Variants in MLPH observed in about 807,000 individuals in gnomAD.
The protein encoded by MLPH is exophilin-3.
MLPH carries 51 observed loss-of-function variants against 72.1 expected under a neutral mutation model. That is an observed-to-expected ratio of 0.71 (90% CI 0.56 to 0.89). The LOEUF (loss-of-function observed/expected upper bound fraction) is 0.89. Among genes scored for constraint, MLPH ranks in the 40% least tolerant of loss-of-function variants. The probability of loss-of-function intolerance (pLI) is 0.00; values close to 1 mark genes in which losing one functional copy is unlikely to be tolerated. For missense variants in MLPH, 743 were observed against 759.9 expected (o/e 0.98, Z 0.26); for synonymous variants, 301 against 310.1 (o/e 0.97, Z 0.31).
At chr2:237,498,288 ATG>A (rs1213327847) in intron 2 of MLPH, among the ~76,000 whole-genome samples, 1 of 152,200 alleles carries the variant, frequency 6.6e-6, no homozygotes, top group Non-Finnish European at 1.5e-5. Context: ...AAATTAGCAG[ATG>A]TGTGTCAGAT....
rs1329719195 is a variant in MLPH, at chr2:237,541,784, A to C, written c.1447-783A>C. On this transcript the variant is annotated intron_variant, in intron 11 of 15. Coordinates refer to ENST00000264605, the MANE Select transcript of MLPH (RefSeq NM_024101.7). This position sits in a 1 kb window ranked among gnomAD's most constrained non-coding sequence, Gnocchi z 5.1. The stretch of plus-strand genomic sequence containing the variant: ...TTTTAGTGGAAGGAGATAAACAGCA[A>C]ACAAACAAGATCATTTGGGTTCATG... 6.6e-6 allele frequency among the ~76,000 whole-genome samples: 1 copy of C among 152,240 alleles called. No individual in the cohort carries two copies. The highest frequency in any genetic ancestry group is 1.5e-5 in the Non-Finnish European group (1 of 68,038).
In MLPH at chr2:237,505,637, A is replaced by T. The variant is rs1344027472; in HGVS notation, c.111-4937A>T. Among the ~76,000 whole-genome samples the T allele has an allele frequency of 6.6e-6, 1 of 152,230 alleles. No individual in the cohort carries two copies. Among genetic ancestry groups the T allele is most frequent in the Non-Finnish European group, 1.5e-5 (1 of 68,040 alleles). ...CTAGATTTCACCCCAAGAGGGGCAG[A>T]GCAGGGCACAGGTCTGACCCCTTCA... On this transcript the variant is annotated intron_variant, in intron 2 of 15. Coordinates refer to ENST00000264605, the MANE Select transcript of MLPH (RefSeq NM_024101.7). The surrounding 1 kb of genome is among the most constrained non-coding windows in gnomAD (Gnocchi z 4.5).
intron 13 of MLPH, among the ~76,000 whole-genome samples, 156 bp downstream of exon 13, chr2:237,546,839 A>C (rs1445692179): frequency 6.6e-6 from 1 of 152,134 alleles, no homozygotes; most frequent in Non-Finnish European, 1.5e-5. Flanking sequence ...CACCGTGGCA[A>C]CTCTTGTGAG....
At position 237,513,020 on chromosome 2, in the gene MLPH, T is replaced by C. The variant is rs376607640; in HGVS notation, c.445+1919T>C. Among the ~76,000 whole-genome samples the C allele has an allele frequency of 1.3e-4, 19 of 151,606 alleles. No individual in the cohort carries two copies. In the South Asian group the frequency reaches 3.7e-3, roughly 30 times the overall value. On this transcript the variant is annotated intron_variant, in intron 4 of 15. Transcript: ENST00000264605. ...CCCCCAAGCGCCCACAGGGGCTGCA[T>C]TCCTCCCTGCTGGACACCTGTAACT...
At chr2:237,499,688 G>A (rs1438320737) in intron 2 of MLPH, among the ~76,000 whole-genome samples, 2 of 152,204 alleles carry the variant, frequency 1.3e-5, no homozygotes, top group Non-Finnish European at 2.9e-5. Flanking sequence ...TAGTTCACAA[G>A]ACATTGTCCA....
intron 8 of MLPH, among the ~76,000 whole-genome samples, chr2:237,531,543 G>C (rs542335423): frequency 5.9e-5 from 9 of 152,132 alleles, no homozygotes; most frequent in Non-Finnish European, 1.0e-4. Context: ...AATACATAGC[G>C]TGGTTTCCAG....
At chr2:237,493,570 G>C (rs2079472711) in intron 2 of MLPH, 34 bp downstream of exon 2, 1 of 1,558,324 alleles carries the variant, frequency 6.4e-7, no homozygotes, top group South Asian at 1.1e-5. Context: ...CGGAGCCCGG[G>C]GTCCCTGATC....
intron 12 of MLPH, chr2:237,545,841 G>GT: frequency 4.1e-6 from 1 of 241,226 alleles, no homozygotes; most frequent in South Asian, 6.2e-5. Flanking sequence ...TATACCCCAT[G>GT]CAACATTTAG....
intron 2 of MLPH, among the ~76,000 whole-genome samples, chr2:237,508,444 T>C (rs1421140572): frequency 6.6e-6 from 1 of 152,124 alleles, no homozygotes; most frequent in Non-Finnish European, 1.5e-5. Flanking sequence ...CTAATGACTG[T>C]CAGAGCAGTT....
At chr2:237,509,112 T>C (rs1311142791) in intron 2 of MLPH, among the ~76,000 whole-genome samples, 3 of 152,368 alleles carry the variant, frequency 2.0e-5, no homozygotes, top group African/African-American at 7.2e-5. Context: ...AGATGTCATT[T>C]GGTCTCCCCA....
chr2:237,516,369 G>A (rs950270275), intron 4 of MLPH, among the ~76,000 whole-genome samples: 7 of 152,200 alleles, frequency 4.6e-5, no homozygotes, highest in Admixed American at 1.3e-4. Flanking sequence ...AGGTCAGTGT[G>A]AGGAAGGAGC....
rs2081055944 is a variant in MLPH, at chr2:237,552,339, A to G, written c.1678A>G (p.Lys560Glu). 1 of 1,613,802 alleles carries G rather than the reference A, an allele frequency of 6.2e-7. No homozygotes were observed. The highest frequency in any genetic ancestry group is 1.3e-5 in the African/African-American group (1 of 74,904). ...KFSNSLKSQGKDDDSFDRKSV... is the reference protein window; with the variant it reads ...KFSNSLKSQGEDDDSFDRKSV... Reference sequence around the variant, plus strand: ...CCCTCTTCCTGTTTTCCCCAAAGGTAAAGATGATGATTCTTTTGATCGGAA... The same window carrying G: ...CCCTCTTCCTGTTTTCCCCAAAGGTGAAGATGATGATTCTTTTGATCGGAA... The change falls in exon 15 of 16, where the codon AAA becomes GAA. Residue 560 changes from lysine to glutamate, a missense_variant and splice_region_variant. Coordinates refer to ENST00000264605, the MANE Select transcript of MLPH (RefSeq NM_024101.7).
chr2:237,535,486 G>T (rs2080512483), intron 9 of MLPH, among the ~76,000 whole-genome samples: 2 of 151,962 alleles, frequency 1.3e-5, no homozygotes, highest in Admixed American at 1.3e-4. Flanking sequence ...GCAGGAGTGT[G>T]TGTGCATGTG....
intron 14 of MLPH, among the ~76,000 whole-genome samples, chr2:237,551,748 C>G (rs1040584945): frequency 1.3e-5 from 2 of 152,114 alleles, no homozygotes; most frequent in Admixed American, 6.5e-5. Context: ...GAGGCCAAGG[C>G]GGGCGGATCA....
chr2:237,510,477 CTG>C lies in MLPH; in HGVS notation c.111-93_111-92del. 1 of 1,108,048 alleles carries C rather than the reference CTG, an allele frequency of 9.0e-7. No individual in the cohort carries two copies. Among genetic ancestry groups the C allele is most frequent in the Non-Finnish European group, 1.3e-6 (1 of 741,476 alleles). 68.6% of individuals were successfully genotyped at this position (1,108,048 alleles called of 1,614,324 possible). Reference sequence around the variant, plus strand: ...ACAGTTACTGTGTGTGTGTATGTGTCTGTGTCTGTGTGTGTGTGTATGTACGT... The same window carrying C: ...ACAGTTACTGTGTGTGTGTATGTGTCTGTCTGTGTGTGTGTGTATGTACGT... On this transcript the variant is annotated intron_variant, in intron 2 of 15. Coordinates refer to ENST00000264605, the MANE Select transcript of MLPH (RefSeq NM_024101.7). This position sits in a 1 kb window ranked among gnomAD's most constrained non-coding sequence, Gnocchi z 4.4.
intron 4 of MLPH, among the ~76,000 whole-genome samples, chr2:237,516,262 T>A (rs2080014963): frequency 6.6e-6 from 1 of 152,160 alleles, no homozygotes; most frequent in Admixed American, 6.5e-5. Flanking sequence ...GTCCCTTTCC[T>A]AAATCACTTG....
intron 6 of MLPH, among the ~76,000 whole-genome samples, chr2:237,524,130 T>C (rs552706828): frequency 1.6e-3 from 235 of 151,544 alleles, no homozygotes; most frequent in Admixed American, 3.0e-3. Flanking sequence ...TGACAGGGGC[T>C]GGATTTTTCT....
Position 237,540,835 on chromosome 2 carries a change from G to GA in MLPH, c.1330dup (p.Ser444LysfsTer17), listed in dbSNP as rs773960379. 3.1e-6 allele frequency: 5 copies of GA among 1,613,176 alleles called. No homozygotes were observed. Among genetic ancestry groups the GA allele is most frequent in the Non-Finnish European group, 2.5e-6 (3 of 1,179,994 alleles). On this transcript the variant is annotated frameshift_variant, in exon 11 of 16. Transcript: ENST00000264605. LOFTEE classifies it high-confidence loss of function. ...GGCTGCCCATCAAACCAACAGACAG[G>GA]AAAAAAGCCCCCAGGACCCTGGGGA...
Position 237,511,005 on chromosome 2 carries a change from T to G in MLPH, c.349T>G (p.Ser117Ala). The stretch of plus-strand genomic sequence containing the variant: ...TCCCTGCAGAGTCGTGAAGATCGGC[T>G]CACTGGAGTGGTACTATGAGCATGT... Reference protein sequence around the residue: ...CHLARVVKIGSLEWYYEHVKA... With the variant: ...CHLARVVKIGALEWYYEHVKA... Residue 117 changes from serine to alanine, a missense_variant, in exon 4 of 16, where the codon TCA becomes GCA. By Grantham distance (99) the Ser-to-Ala change is moderately conservative (BLOSUM62 1). Coordinates refer to ENST00000264605, the MANE Select transcript of MLPH (RefSeq NM_024101.7). The G allele has an allele frequency of 3.7e-6, 6 of 1,613,812 alleles. No individual in the cohort carries two copies. The highest frequency in any genetic ancestry group is 5.1e-6 in the Non-Finnish European group (6 of 1,179,940).
Sources: allele counts gnomAD v4.1 joint callset (sites outside exome capture counted in the v4.1 genomes callset), GRCh38; gene constraint gnomAD v4.1.1; non-coding constraint Gnocchi (gnomAD v3.1); transcripts MANE v1.5; gene names NCBI Gene and HGNC (gene_info 2026-07-23, HGNC 2026-07-21).